The following FN3K variants were observed in gnomAD, a reference collection of about 807,000 sequenced individuals.
The protein encoded by FN3K is fructosamine 3 kinase, also known as fructosamine-3-kinase.
In FN3K, 24 loss-of-function variants were observed where a neutral mutation model predicts 24.8. The observed-to-expected ratio is 0.97, with a 90% CI of 0.70 to 1.36. FN3K has a LOEUF of 1.36. FN3K is among the 40% of genes most tolerant of loss of function. The pLI, the probability that FN3K is intolerant of heterozygous loss-of-function variation, is 0.00. For missense variants in FN3K, 449 were observed against 416.7 expected (o/e 1.08, Z -0.67); for synonymous variants, 192 against 175.2 (o/e 1.10, Z -0.76).
intron 5 of FN3K, 135 bp downstream of exon 5, chr17:82,749,112 G>T: frequency 2.1e-6 from 3 of 1,397,592 alleles, no homozygotes; most frequent in Non-Finnish European, 3.0e-6. Context: ...GAGGAAGGGG[G>T]GCAGGGGCGG....
At chr17:82,738,330 G>A (rs531352251) in intron 1 of FN3K, 159 bp from the exon 2 acceptor site, 2 of 943,114 alleles carry the variant, frequency 2.1e-6, no homozygotes, top group South Asian at 1.6e-5. Flanking sequence ...GGGCCCCTCT[G>A]CACCCTGCCC....
intron 2 of FN3K, among the ~76,000 whole-genome samples, chr17:82,738,938 A>ACACGTG (rs1355753057): frequency 9.8e-6 from 1 of 101,772 alleles, no homozygotes; most frequent in African/African-American, 4.0e-5. Context: ...ATATATATAT[A>ACACGTG]TATATATATT....
chr17:82,737,768 T>A (rs1194393927), intron 1 of FN3K: 2 of 152,308 alleles, frequency 1.3e-5, no homozygotes, highest in Admixed American at 1.3e-4. Flanking sequence ...ATCATGCCAC[T>A]GCCCTCCAGC....
intron 2 of FN3K, 38 bp from the exon 3 acceptor site, chr17:82,740,725 T>C (rs2046936464): frequency 7.0e-7 from 1 of 1,421,948 alleles, no homozygotes; most frequent in Non-Finnish European, 9.9e-7. Flanking sequence ...TTATTTATTA[T>C]TTGTTATTTT....
chr17:82,735,714 C>G lies in FN3K; in HGVS notation c.78C>G (p.Ser26Arg). 1.3e-6 allele frequency: 2 copies of G among 1,552,494 alleles called. No homozygotes were observed. Among genetic ancestry groups the G allele is most frequent in the East Asian group, 2.4e-5 (1 of 41,946 alleles). Residue 26 changes from serine (S) to arginine (R), a missense_variant, in exon 1 of 6, where the codon AGC (serine) becomes AGG (arginine). Transcript: ENST00000300784. ...AFGGPGAGCI[S>R]EGRAYDTDAG... ...GCGGCCCCGGCGCCGGCTGCATCAG[C>G]GAGGGCCGAGCCTACGACACGGACG...
At position 82,750,684 on chromosome 17, in the gene FN3K, A is replaced by T. The variant is rs1165375131; in HGVS notation, c.859A>T (p.Asn287Tyr). The T allele has an allele frequency of 5.6e-6, 9 of 1,613,678 alleles. No individual in the cohort carries two copies. Among genetic ancestry groups the T allele is most frequent in the Admixed American group, 1.7e-5 (1 of 59,998 alleles). Residue 287 changes from asparagine (N) to tyrosine (Y), a missense_variant, in exon 6 of 6, where the codon AAC (asparagine) becomes TAC (tyrosine). By Grantham distance (143) the Asn-to-Tyr change is moderately radical. Transcript: ENST00000300784. ...GCTCTACCAGCTGTTTAACTACCTG[A>T]ACCACTGGAACCACTTCGGGCGGGA... ...LLLYQLFNYL[N>Y]HWNHFGREYR...
intron 3 of FN3K, 148 bp from the exon 4 acceptor site, chr17:82,741,163 T>C: frequency 1.3e-6 from 1 of 754,244 alleles, no homozygotes; most frequent in Non-Finnish European, 2.3e-6. Flanking sequence ...CAGATCCATA[T>C]ATTGACTAAT....
intron 4 of FN3K, among the ~76,000 whole-genome samples, chr17:82,748,398 C>T (rs1008965780): frequency 6.6e-6 from 1 of 152,136 alleles, no homozygotes; most frequent in African/African-American, 2.4e-5. Context: ...CTGCCCACCT[C>T]AGCCTCCCAA....
chr17:82,738,076 G>C (rs2046914783), intron 1 of FN3K: 1 of 185,614 alleles, frequency 5.4e-6, no homozygotes, highest in Non-Finnish European at 1.1e-5. Flanking sequence ...TGCCTGACGT[G>C]TGTGCCCAAG....
intron 4 of FN3K, among the ~76,000 whole-genome samples, chr17:82,746,396 TTTATTA>T (rs1054721295): frequency 3.3e-5 from 5 of 152,206 alleles, no homozygotes; most frequent in African/African-American, 1.2e-4. Flanking sequence ...GGGTTTTTTT[TTTATTA>T]TTGAGTTTTG....
chr17:82,748,975 C>A lies in FN3K; in HGVS notation c.589C>A (p.Gln197Lys). The change falls in exon 5 of 6, where the codon CAG becomes AAG. Residue 197 changes from glutamine (Q) to lysine (K), a missense_variant and splice_region_variant. Physicochemically the swap from Gln to Lys is moderately conservative, Grantham distance 53 (BLOSUM62 1). Coordinates refer to ENST00000300784, the MANE Select transcript of FN3K (RefSeq NM_022158.4). ...REARELWSRL[Q>K]VKIPDLFCGL... Reference sequence around the variant, plus strand: ...GGCACGAGAACTCTGGTCCCGGCTACAGGTGGGCACGGCAGTGACTTCTCT... The same window carrying A: ...GGCACGAGAACTCTGGTCCCGGCTAAAGGTGGGCACGGCAGTGACTTCTCT... 1 of 1,614,158 alleles carries A rather than the reference C, an allele frequency of 6.2e-7. No individual in the cohort carries two copies. The highest frequency in any genetic ancestry group is 8.5e-7 in the Non-Finnish European group (1 of 1,180,036).
Position 82,738,629 on chromosome 17 carries a change from G to T in FN3K, c.282G>T (p.Lys94Asn). Residue 94 changes from lysine to asparagine, a missense_variant, in exon 2 of 6, where the codon AAG becomes AAT. Physicochemically the swap from Lys to Asn is moderately conservative, Grantham distance 94 (BLOSUM62 0). Transcript: ENST00000300784. ...TTGTGATGGAGCATTTGAAGATGAA[G>T]AGCTTGAGCAGGTGAGTGTGTGTGA... ...AAFVMEHLKM[K>N]SLSSQASKLG... The T allele has an allele frequency of 6.2e-7, 1 of 1,614,066 alleles. No homozygotes were observed. Among genetic ancestry groups the T allele is most frequent in the South Asian group, 1.1e-5 (1 of 91,080 alleles).
At chr17:82,744,991 C>T (rs1055967875) in intron 4 of FN3K, 9 of 152,180 alleles carry the variant, frequency 5.9e-5, no homozygotes, top group Admixed American at 2.6e-4. Flanking sequence ...TGCCCAGGGA[C>T]GGGCAGGAGA....
chr17:82,737,444 T>A (rs1214078250), intron 1 of FN3K, among the ~76,000 whole-genome samples: 1 of 151,940 alleles, frequency 6.6e-6, no homozygotes, highest in East Asian at 2.0e-4. Context: ...TGCCTCAGCC[T>A]CCCGAGTAGC....
At chr17:82,748,496 T>C (rs1314079999) in intron 4 of FN3K, among the ~76,000 whole-genome samples, 1 of 90,810 alleles carries the variant, frequency 1.1e-5, no homozygotes, top group Non-Finnish European at 2.2e-5. Flanking sequence ...TTTCTATCCT[T>C]TCAAGCTTTT....
chr17:82,742,770 C>T (rs1272867042), intron 4 of FN3K: 2 of 449,180 alleles, frequency 4.5e-6, no homozygotes, highest in Non-Finnish European at 8.9e-6. Flanking sequence ...ACACAGCACC[C>T]ATTATATAAG....
intron 1 of FN3K, chr17:82,738,163 G>T: frequency 3.1e-6 from 1 of 320,890 alleles, no homozygotes; most frequent in East Asian, 6.3e-5. Context: ...CGGGGGTCCA[G>T]CTCTGGACCT....
At position 82,738,630 on chromosome 17, in the gene FN3K, A is replaced by T; in HGVS notation, c.283A>T (p.Ser95Cys). 6.2e-7 allele frequency: 1 copy of T among 1,613,918 alleles called. No individual in the cohort carries two copies. Among genetic ancestry groups the T allele is most frequent in the African/African-American group, 1.3e-5 (1 of 74,956 alleles). Residue 95 changes from serine to cysteine, a missense_variant, in exon 2 of 6, where the codon AGC becomes TGC. Transcript: ENST00000300784. ...TGTGATGGAGCATTTGAAGATGAAG[A>T]GCTTGAGCAGGTGAGTGTGTGTGAG... ...AFVMEHLKMK[S>C]LSSQASKLGE...
At chr17:82,744,503 T>C (rs1260864814) in intron 4 of FN3K, among the ~76,000 whole-genome samples, 1 of 152,116 alleles carries the variant, frequency 6.6e-6, no homozygotes, top group Non-Finnish European at 1.5e-5. Flanking sequence ...AATAGAATCA[T>C]GTGGTATGTC....
Sources: allele counts gnomAD v4.1 joint callset (sites outside exome capture counted in the v4.1 genomes callset), GRCh38; gene constraint gnomAD v4.1.1; transcripts MANE v1.5; gene names NCBI Gene and HGNC (gene_info 2026-07-23, HGNC 2026-07-21).